Variants in RAP1GDS1 observed in about 807,000 individuals in gnomAD.
RAP1GDS1 encodes RAP1, GTP-GDP dissociation stimulator 1.
A neutral mutation model predicts 71.1 loss-of-function variants in RAP1GDS1; 35 were observed. The observed-to-expected ratio is 0.49, with a 90% CI of 0.38 to 0.65. RAP1GDS1 has a LOEUF of 0.65. RAP1GDS1 is among the 30% of genes least tolerant of loss of function. The pLI is 0.00. For missense variants in RAP1GDS1, 663 were observed against 706.1 expected (o/e 0.94, Z 0.69); for synonymous variants, 229 against 243.1 (o/e 0.94, Z 0.54).
chr4:98,302,784 A>G (rs906009773), intron 2 of RAP1GDS1, among the ~76,000 whole-genome samples: 2 of 152,170 alleles, frequency 1.3e-5, no homozygotes, highest in African/African-American at 4.8e-5. Context: ...GGTGACCCAC[A>G]CCTGTAATCC....
intron 5 of RAP1GDS1, 44 bp from the exon 6 acceptor site, chr4:98,391,908 T>TCAA: frequency 4.6e-6 from 7 of 1,531,590 alleles, no homozygotes; most frequent in Non-Finnish European, 6.1e-6. Flanking sequence ...ATTTGACATG[T>TCAA]CAACACTTTC....
intron 6 of RAP1GDS1, among the ~76,000 whole-genome samples, chr4:98,401,827 C>A (rs1217940959): frequency 6.6e-6 from 1 of 152,068 alleles, no homozygotes; most frequent in Non-Finnish European, 1.5e-5. Context: ...GCCTGAGTTA[C>A]ATAGCAACAG....
chr4:98,404,701 C>T (rs1745883542), intron 7 of RAP1GDS1, 99 bp downstream of exon 7: 7 of 1,365,212 alleles, frequency 5.1e-6, no homozygotes, highest in Non-Finnish European at 6.0e-6. Flanking sequence ...CAAAACCATT[C>T]TTTATTAGTG....
intron 3 of RAP1GDS1, among the ~76,000 whole-genome samples, chr4:98,345,891 T>C (rs1050804798): frequency 6.6e-6 from 1 of 152,202 alleles, no homozygotes; most frequent in Non-Finnish European, 1.5e-5. Flanking sequence ...TAGCAGCATG[T>C]AACCTGAAAG....
At chr4:98,344,585 C>T (rs145396752) in intron 3 of RAP1GDS1, among the ~76,000 whole-genome samples, 1 of 152,110 alleles carries the variant, frequency 6.6e-6, no homozygotes. Context: ...AATTTCATGA[C>T]AACTCTGCTT....
At chr4:98,335,681 T>A (rs1734618208) in intron 2 of RAP1GDS1, among the ~76,000 whole-genome samples, 1 of 152,120 alleles carries the variant, frequency 6.6e-6, no homozygotes, top group African/African-American at 2.4e-5. Flanking sequence ...TATAATGTTC[T>A]TTTAGAATGC....
At chr4:98,404,362 T>A in intron 6 of RAP1GDS1, 115 bp from the exon 7 acceptor site, 1 of 975,126 alleles carries the variant, frequency 1.0e-6, no homozygotes, top group Non-Finnish European at 1.4e-6. Flanking sequence ...ATTGTTCCCA[T>A]ATTTGAAGAG....
chr4:98,343,465 C>A, intron 3 of RAP1GDS1: 1 of 581,116 alleles, frequency 1.7e-6, no homozygotes, highest in South Asian at 2.0e-5. Context: ...TAACCCATTC[C>A]TTCTCAGTAG....
At chr4:98,404,627 G>C in intron 7 of RAP1GDS1, 25 bp downstream of exon 7, 1 of 1,590,058 alleles carries the variant, frequency 6.3e-7, no homozygotes, top group Non-Finnish European at 8.5e-7. Context: ...TGCACCTTTG[G>C]ATTTTTGATC....
chr4:98,290,609 G>T (rs931313253), intron 1 of RAP1GDS1, among the ~76,000 whole-genome samples: 1 of 152,000 alleles, frequency 6.6e-6, no homozygotes, highest in Admixed American at 6.6e-5. Flanking sequence ...AGCCTCTGGT[G>T]CCTAAGATAA....
rs541335127 is a variant in RAP1GDS1 at position 98,301,716 on chromosome 4, G to A, written c.112+8201G>A. Among the ~76,000 whole-genome samples, 28 of 152,182 alleles carry A rather than the reference G, an allele frequency of 1.8e-4. 1 individual carries two copies. The South Asian group carries it at 3.7e-3, about 20-fold the overall frequency. ...TAGAAAGAAAAAAATTCCTACCCTA[G>A]TAGGAAAATAGTGCGATCTGGTCTT... On this transcript the variant is annotated intron_variant, in intron 2 of 14. Transcript: ENST00000408927.
chr4:98,339,366 G>T (rs1735158355), intron 2 of RAP1GDS1, among the ~76,000 whole-genome samples: 1 of 152,132 alleles, frequency 6.6e-6, no homozygotes, highest in Non-Finnish European at 1.5e-5. Context: ...TTCAAAAACT[G>T]CCAGTTGCCT....
At chr4:98,289,696 G>A (rs1578319288) in intron 1 of RAP1GDS1, among the ~76,000 whole-genome samples, 1 of 151,862 alleles carries the variant, frequency 6.6e-6, no homozygotes, top group East Asian at 1.9e-4. Context: ...CATTAGAGAA[G>A]CTTTTAAAAA....
chr4:98,426,703 G>C (rs1264223363), intron 12 of RAP1GDS1, among the ~76,000 whole-genome samples: 4 of 151,910 alleles, frequency 2.6e-5, no homozygotes, highest in Admixed American at 2.0e-4. Context: ...CCAATAACAA[G>C]CAACCAGATT....
rs927426868 is a variant in RAP1GDS1, at chr4:98,442,224, A to T, written c.*107A>T. ...ACCATACCACTTGTGCATGCATGTG[A>T]TGTTCTAATACCAATTGAAGAACCG... On this transcript the variant is annotated 3_prime_UTR_variant, in exon 15 of 15. Transcript: ENST00000408927. The T allele has an allele frequency of 6.8e-7, 1 of 1,464,366 alleles. No homozygotes were observed. The highest frequency in any genetic ancestry group is 1.4e-5 in the African/African-American group (1 of 71,452). The allele number at this position is 1,464,366 out of a possible 1,614,324, so 90.7% of individuals were successfully genotyped here. A position where few individuals can be genotyped will look rare whatever the true frequency, so the allele number is the denominator to read the frequency against.
chr4:98,388,451 C>T (rs1252817974), intron 5 of RAP1GDS1, among the ~76,000 whole-genome samples: 4 of 152,134 alleles, frequency 2.6e-5, no homozygotes, highest in East Asian at 1.9e-4. Context: ...CCCTGGTGGG[C>T]GCTGTAGCTC....
At chr4:98,362,804 T>C (rs562501192) in intron 4 of RAP1GDS1, among the ~76,000 whole-genome samples, 4 of 152,320 alleles carry the variant, frequency 2.6e-5, no homozygotes, top group African/African-American at 7.2e-5. Context: ...TGAGAAGATA[T>C]GAAATAATGA....
intron 14 of RAP1GDS1, chr4:98,441,408 G>C: frequency 4.1e-6 from 4 of 984,656 alleles, no homozygotes; most frequent in Non-Finnish European, 3.6e-6. Context: ...AGGATATGAA[G>C]TATAAACTTT....
chr4:98,434,148 A>C (rs1750831083), intron 13 of RAP1GDS1, 86 bp downstream of exon 13: 1 of 1,489,842 alleles, frequency 6.7e-7, no homozygotes, highest in African/African-American at 1.4e-5. Flanking sequence ...GTCAGACAGA[A>C]CCTTGACTGG....
Sources: allele counts gnomAD v4.1 joint callset (sites outside exome capture counted in the v4.1 genomes callset), GRCh38; gene constraint gnomAD v4.1.1; transcripts MANE v1.5; gene names NCBI Gene and HGNC (gene_info 2026-07-23, HGNC 2026-07-21).